NLRP7: variants seen among roughly 807,000 people sequenced by gnomAD.
NLRP7 encodes the protein NACHT, LRR and PYD domains-containing protein 7.
NLRP7 carries 72 observed loss-of-function variants against 85.5 expected under a neutral mutation model. The ratio of observed to expected loss-of-function variants is 0.84; its 90% CI spans 0.70 to 1.02. The LOEUF is 1.02. Among genes scored for constraint, NLRP7 ranks in the 50% least tolerant of loss-of-function variants. The pLI is 0.00. For synonymous variants in NLRP7, 550 were observed against 505.2 expected (o/e 1.09, Z -1.19); for missense variants, 1,243 against 1,219.5 (o/e 1.02, Z -0.29).
chr19:54,939,979 G>A (rs1463547718), exon 4 of NLRP7: 19 of 1,614,022 alleles, frequency 1.2e-5, no homozygotes, highest in East Asian at 8.9e-5. Flanking sequence ...CCAGGAGGAC[G>A]GGCACCGGCT....
Position 54,943,458 on chromosome 19 carries a change from G to A in NLRP7, c.-39-1708C>T, listed in dbSNP as rs372938283. Among the ~76,000 whole-genome samples, 187 of 151,730 alleles carry A rather than the reference G, an allele frequency of 1.2e-3. 1 individual carries two copies. Among genetic ancestry groups the A allele is most frequent in the East Asian group, 3.7e-3 (19 of 5,088 alleles). Reference sequence around the variant, plus strand: ...CTACTAAAAATACAAACAATTAGCCGGGCGTGGTGGCGGGCGCCTGTAGTC... The same window carrying A: ...CTACTAAAAATACAAACAATTAGCCAGGCGTGGTGGCGGGCGCCTGTAGTC... On this transcript the variant is annotated intron_variant, in intron 1 of 9. Coordinates refer to ENST00000340844, the Ensembl canonical transcript of NLRP7.
At chr19:54,930,277 G>T (rs949964356) in intron 9 of NLRP7, among the ~76,000 whole-genome samples, 1 of 151,626 alleles carries the variant, frequency 6.6e-6, no homozygotes, top group Admixed American at 6.6e-5. Context: ...AACCAGCCCG[G>T]GAAAGATGAC....
At chr19:54,924,531 A>G (rs775866) in intron 9 of NLRP7, among the ~76,000 whole-genome samples, 21,499 of 151,998 alleles carry the variant, frequency 0.14, 1,982 homozygotes, top group East Asian at 0.32. Flanking sequence ...GGCGGAGGCA[A>G]GAGGATCACT....
intron 4 of NLRP7, among the ~76,000 whole-genome samples, chr19:54,938,650 CG>C (rs1306067024): frequency 6.6e-6 from 1 of 152,118 alleles, no homozygotes; most frequent in Non-Finnish European, 1.5e-5. Context: ...CACTTGAACC[CG>C]GGAGGCGGAG....
upstream of NLRP7, among the ~76,000 whole-genome samples, chr19:54,949,642 A>G (rs1218713196): frequency 6.6e-6 from 1 of 152,012 alleles, no homozygotes; most frequent in African/African-American, 2.4e-5. Flanking sequence ...AGTGCGAGGG[A>G]CTGGCTGCCA....
At chr19:54,955,867 T>C (rs1236986785) in intron 1 of NLRP7, among the ~76,000 whole-genome samples, 1 of 152,038 alleles carries the variant, frequency 6.6e-6, no homozygotes, top group Non-Finnish European at 1.5e-5. Context: ...TTATAGACAT[T>C]CGCTCCCATG....
chr19:54,939,238 G>T, exon 4 of NLRP7: 1 of 1,614,206 alleles, frequency 6.2e-7, no homozygotes, highest in Non-Finnish European at 8.5e-7. Flanking sequence ...CTCTCTTCTC[G>T]TTAGCGAGGC....
At chr19:54,947,696 T>C (rs1270130295), upstream of NLRP7, 5 of 1,243,082 alleles carry the variant, frequency 4.0e-6, no homozygotes, top group Non-Finnish European at 3.2e-6. Context: ...TGGGCTTCAG[T>C]GGGCTTTGGA....
At chr19:54,927,474 T>C in intron 9 of NLRP7, 131 bp downstream of exon 10, 1 of 819,300 alleles carries the variant, frequency 1.2e-6, no homozygotes, top group Non-Finnish European at 2.0e-6. Flanking sequence ...GAGAATTGCT[T>C]GAACCTGAGA....
intron 1 of NLRP7, among the ~76,000 whole-genome samples, chr19:54,954,528 C>CAA (rs35846819): frequency 0.012 from 545 of 46,232 alleles, 4 homozygotes; most frequent in Non-Finnish European, 0.014. Context: ...GACTCCGTCT[C>CAA]AAAAAAAAAA....
chr19:54,937,996 G>T, intron 5 of NLRP7, 48 bp downstream of exon 5: 2 of 1,409,836 alleles, frequency 1.4e-6, no homozygotes, highest in Non-Finnish European at 2.0e-6. Flanking sequence ...AGTACAAGAA[G>T]CTTAGTCATC....
rs139884333 is a variant in NLRP7 at position 54,941,000 on chromosome 19, C to T, written c.283G>A (p.Gly95Arg). ...GGATTATCTATTTCTTGCACCTGTC[C>T]GTCCTCTGTAAAATACTTAGATGTA... is the stretch of plus-strand genomic sequence containing the variant. The change falls in exon 3 of 10, where the codon GGA (glycine) becomes AGA (arginine). Residue 95 changes from glycine to arginine, a missense_variant. By Grantham distance (125) the Gly-to-Arg change is moderately radical. Coordinates refer to ENST00000340844, the Ensembl canonical transcript of NLRP7. 1.7e-5 allele frequency: 28 copies of T among 1,607,198 alleles called. No individual in the cohort carries two copies. The highest frequency in any genetic ancestry group is 4.5e-5 in the East Asian group (2 of 44,844).
chr19:54,927,092 A>T (rs931887390), intron 9 of NLRP7, among the ~76,000 whole-genome samples: 1 of 150,402 alleles, frequency 6.6e-6, no homozygotes, highest in African/African-American at 2.5e-5. Flanking sequence ...CATCCCAAAA[A>T]GCAAAAACCA....
intron 1 of NLRP7, among the ~76,000 whole-genome samples, chr19:54,957,346 CTTT>C (rs369473061): frequency 4.7e-5 from 6 of 128,034 alleles, no homozygotes; most frequent in Non-Finnish European, 4.9e-5. Context: ...TCTTCTTCTT[CTTT>C]TTTTTTTTTT....
At chr19:54,924,283 A>G (rs2030864010) in intron 9 of NLRP7, among the ~76,000 whole-genome samples, 1 of 152,170 alleles carries the variant, frequency 6.6e-6, no homozygotes, top group Non-Finnish European at 1.5e-5. Flanking sequence ...AGTTTTCTAA[A>G]AAGAAATTTA....
At chr19:54,927,714 T>G in intron 9 of NLRP7, 1 of 1,614,088 alleles carries the variant, frequency 6.2e-7, no homozygotes, top group Non-Finnish European at 8.5e-7. Context: ...AGCTTCTGAT[T>G]GCTGAGGAGA....
chr19:54,934,176 C>T lies in NLRP7; in HGVS notation c.2471+313G>A, dbSNP rs188552176. 8.3e-4 allele frequency among the ~76,000 whole-genome samples: 127 copies of T among 152,286 alleles called. No homozygotes were observed. Among genetic ancestry groups the T allele is most frequent in the Non-Finnish European group, 6.9e-4 (47 of 68,036 alleles). On this transcript the variant is annotated intron_variant, in intron 7 of 9. Coordinates refer to ENST00000340844, the Ensembl canonical transcript of NLRP7. This position sits in a 1 kb window ranked among gnomAD's most constrained non-coding sequence, Gnocchi z 6.7. The stretch of plus-strand genomic sequence containing the variant: ...CAGGATGGTCTCGATCTCTTGACCT[C>T]GTGATCTCCCCGCCTTGGCCTCCCA...
intron 1 of NLRP7, among the ~76,000 whole-genome samples, chr19:54,945,258 A>G (rs1055604029): frequency 8.0e-5 from 12 of 150,532 alleles, no homozygotes; most frequent in South Asian, 2.1e-4. Flanking sequence ...AAAAAAAAGA[A>G]AAGAAAAGAA....
chr19:54,960,741 A>G, intron 1 of NLRP7, among the ~76,000 whole-genome samples: 1 of 151,702 alleles, frequency 6.6e-6, no homozygotes, highest in Non-Finnish European at 1.5e-5. Context: ...GACTACAGGC[A>G]CCCGCCACCG....
Sources: allele counts gnomAD v4.1 joint callset (sites outside exome capture counted in the v4.1 genomes callset), GRCh38; gene constraint gnomAD v4.1.1; non-coding constraint Gnocchi (gnomAD v3.1); transcripts MANE v1.5; gene names NCBI Gene and HGNC (gene_info 2026-07-23, HGNC 2026-07-21).